Variants in GPR89B observed in about 807,000 individuals in gnomAD.
GPR89B encodes golgi pH regulator B.
GPR89B carries 25 observed loss-of-function variants against 52.4 expected under a neutral mutation model. The observed-to-expected ratio is 0.48, with a 90% CI of 0.35 to 0.67. The LOEUF (loss-of-function observed/expected upper bound fraction) is 0.67, where lower values mean the gene tolerates loss of function less well. Among genes scored for constraint, GPR89B ranks in the 30% least tolerant of loss-of-function variants. The pLI, the probability that GPR89B is intolerant of heterozygous loss-of-function variation, is 0.01. For synonymous variants in GPR89B, 52 were observed against 151.2 expected (o/e 0.34, Z 4.81); for missense variants, 146 against 450.2 (o/e 0.32, Z 6.11).
rs1322376848 is a variant in GPR89B, at chr1:147,977,126, C to T, written c.909+7167C>T. Among the ~76,000 whole-genome samples, 2 of 145,092 alleles carry T rather than the reference C, an allele frequency of 1.4e-5. 1 individual carries two copies. The highest frequency in any genetic ancestry group is 1.4e-4 in the Admixed American group (2 of 13,960). Reference sequence around the variant, plus strand: ...GCAGGCGCCTATAGTCCTAGCTACTCGGGAGTCTGAGGCAGGAGAATGGCA... The same window carrying T: ...GCAGGCGCCTATAGTCCTAGCTACTTGGGAGTCTGAGGCAGGAGAATGGCA... On this transcript the variant is annotated intron_variant, in intron 10 of 13. Coordinates refer to ENST00000314163, the MANE Select transcript of GPR89B (RefSeq NM_016334.5).
chr1:147,988,386 C>G (rs1465075743), intron 11 of GPR89B, 46 bp from the exon 12 acceptor site: 18 of 1,538,278 alleles, frequency 1.2e-5, no homozygotes, highest in Non-Finnish European at 1.5e-5. Context: ...CCTTACGTCT[C>G]TCTGAACAGA....
intron 7 of GPR89B, among the ~76,000 whole-genome samples, chr1:147,956,936 C>T (rs1656161570): frequency 6.6e-6 from 1 of 151,982 alleles, no homozygotes; most frequent in Non-Finnish European, 1.5e-5. Context: ...CGGGGTTTCA[C>T]CATGTTGGAC....
At chr1:148,017,604 G>A in the GPR89B span, among the ~76,000 whole-genome samples, 71 of 150,144 alleles carry the variant, frequency 4.7e-4, no homozygotes, top group African/African-American at 1.6e-3. Context: ...CAGGCGTGGT[G>A]GCGGGCACCT....
intron 10 of GPR89B, among the ~76,000 whole-genome samples, chr1:147,971,371 G>A (rs1384071094): frequency 2.0e-5 from 3 of 148,786 alleles, no homozygotes; most frequent in Admixed American, 6.7e-5. Flanking sequence ...AGGTGGTTTC[G>A]AACTCCTGAG....
chr1:148,015,313 C>CTCTCTT, the GPR89B span, among the ~76,000 whole-genome samples: 8 of 135,280 alleles, frequency 5.9e-5, no homozygotes, highest in African/African-American at 1.8e-4. Context: ...CTCTCTCTCT[C>CTCTCTT]TCTCTCTCTC....
downstream of GPR89B, among the ~76,000 whole-genome samples, chr1:147,997,729 A>T (rs1288336347): frequency 6.6e-6 from 1 of 152,170 alleles, no homozygotes; most frequent in Admixed American, 6.6e-5. Flanking sequence ...TTAATATAAC[A>T]CTATTTTTAT....
At chr1:147,949,586 C>T (rs1553250500) in intron 5 of GPR89B, among the ~76,000 whole-genome samples, 4 of 138,806 alleles carry the variant, frequency 2.9e-5, no homozygotes, top group Admixed American at 6.8e-5. Context: ...GACCCCCCCA[C>T]CTCCCTCCAG....
chr1:147,997,679 C>A (rs1485872631), downstream of GPR89B, among the ~76,000 whole-genome samples: 1 of 152,016 alleles, frequency 6.6e-6, no homozygotes. Context: ...CCTCTCATAC[C>A]TGTATCTATA....
intron 5 of GPR89B, among the ~76,000 whole-genome samples, chr1:147,949,803 C>A (rs1368706545): frequency 1.4e-5 from 2 of 146,070 alleles, no homozygotes; most frequent in Admixed American, 6.6e-5. Context: ...GGGGGCTGAC[C>A]CCCCGACCTC....
chr1:147,995,611 G>A (rs1457434140), downstream of GPR89B: 4 of 1,608,890 alleles, frequency 2.5e-6, no homozygotes, highest in South Asian at 1.1e-5. Flanking sequence ...CTTTTGCCAT[G>A]TGCGAGTCAT....
the GPR89B span, chr1:148,011,494 A>G: frequency 2.6e-5 from 4 of 152,138 alleles, no homozygotes; most frequent in African/African-American, 9.7e-5. Flanking sequence ...GCCACATCTC[A>G]CTATGGAGTG....
At chr1:148,019,540 G>A in the GPR89B span, among the ~76,000 whole-genome samples, 1 of 151,888 alleles carries the variant, frequency 6.6e-6, no homozygotes. Context: ...GTTTACCTGT[G>A]AGACAAACCT....
intron 7 of GPR89B, among the ~76,000 whole-genome samples, chr1:147,963,862 T>C (rs1351100622): frequency 2.6e-4 from 40 of 152,196 alleles, no homozygotes; most frequent in Non-Finnish European, 4.0e-4. Flanking sequence ...GAAATGAAGA[T>C]TTATATTCAC....
chr1:148,013,174 A>G, the GPR89B span, among the ~76,000 whole-genome samples: 1 of 152,078 alleles, frequency 6.6e-6, no homozygotes, highest in Non-Finnish European at 1.5e-5. Flanking sequence ...TTGGAGGCAC[A>G]AAAGGAAGAT....
At chr1:148,008,037 A>G in the GPR89B span, among the ~76,000 whole-genome samples, 1 of 151,570 alleles carries the variant, frequency 6.6e-6, no homozygotes, top group African/African-American at 2.4e-5. Context: ...TTTTCAGACC[A>G]CAGTTGCCTG....
chr1:147,941,489 T>C (rs1553248911), intron 3 of GPR89B, among the ~76,000 whole-genome samples: 1 of 151,796 alleles, frequency 6.6e-6, no homozygotes, highest in Non-Finnish European at 1.5e-5. Context: ...TAGCTTTTAC[T>C]GAATGGCTCT....
At chr1:147,940,781 A>G (rs1654494353) in intron 3 of GPR89B, among the ~76,000 whole-genome samples, 2 of 151,898 alleles carry the variant, frequency 1.3e-5, no homozygotes, top group African/African-American at 4.8e-5. Context: ...ATTGATACAG[A>G]GGATTCAGAT....
intron 10 of GPR89B, among the ~76,000 whole-genome samples, chr1:147,985,920 C>T (rs1658630690): frequency 6.6e-6 from 1 of 152,156 alleles, no homozygotes; most frequent in Non-Finnish European, 1.5e-5. Flanking sequence ...AAAATGTTAC[C>T]TTTTTGGCTC....
At chr1:147,932,755 G>A (rs1553247243) in intron 1 of GPR89B, among the ~76,000 whole-genome samples, 3 of 151,976 alleles carry the variant, frequency 2.0e-5, no homozygotes, top group Middle Eastern at 3.2e-3. Context: ...CCCCTACTCC[G>A]GTTTAAAGCC....
Sources: gnomAD v4.1 joint callset for allele counts (sites outside exome capture counted in the v4.1 genomes callset) on GRCh38, gnomAD v4.1.1 for gene constraint, MANE v1.5 for transcripts, NCBI Gene and HGNC (gene_info 2026-07-23, HGNC 2026-07-21) for gene names.